DENND4A: variants seen among roughly 807,000 people sequenced by gnomAD.
The protein encoded by DENND4A is C-myc promoter-binding protein.
DENND4A carries 70 observed loss-of-function variants against 199.3 expected under a neutral mutation model. The ratio of observed to expected loss-of-function variants is 0.35; its 90% CI spans 0.29 to 0.43. The LOEUF (loss-of-function observed/expected upper bound fraction) is 0.43, where lower values mean the gene tolerates loss of function less well. Ranked by LOEUF, DENND4A falls within the 20% of genes least tolerant of loss-of-function variation. The pLI is 1.00. For synonymous variants in DENND4A, 686 were observed against 766.9 expected (o/e 0.89, Z 1.74); for missense variants, 1,723 against 2,255.8 (o/e 0.76, Z 4.78).
At chr15:65,740,194 C>T (rs1419730539) in intron 5 of DENND4A, among the ~76,000 whole-genome samples, 1 of 150,208 alleles carries the variant, frequency 6.7e-6, no homozygotes, top group Non-Finnish European at 1.5e-5. Flanking sequence ...AATAGAGGAA[C>T]GGATTCTGGT....
rs1220334781 is a variant in DENND4A at position 65,667,681 on chromosome 15, T to C, written c.5009A>G (p.His1670Arg). The C allele has an allele frequency of 6.2e-7, 1 of 1,613,756 alleles. No individual in the cohort carries two copies. Among genetic ancestry groups the C allele is most frequent in the East Asian group, 2.2e-5 (1 of 44,876 alleles). ...AGTGACAGGATCGGGACTTGGAAGG[T>C]GCCATTCTAAACCTAAAGAATCCTG... ...GATDSLGLEW[H>R]LPSPDPVTVP... The change falls in exon 29 of 33, where the codon CAC becomes CGC. Residue 1670 changes from histidine to arginine, a missense_variant. By Grantham distance (29) the His-to-Arg change is conservative. Transcript: ENST00000443035.
chr15:65,752,685 ATT>A (rs1795919644), intron 3 of DENND4A, 57 bp from the exon 4 acceptor site: 1 of 1,134,016 alleles, frequency 8.8e-7, no homozygotes, highest in Admixed American at 2.8e-5. Context: ...GAAAAGTAAT[ATT>A]CTCAGGCATC....
At chr15:65,748,545 G>A (rs2076473658) in intron 4 of DENND4A, among the ~76,000 whole-genome samples, 2 of 151,078 alleles carry the variant, frequency 1.3e-5, no homozygotes, top group Non-Finnish European at 1.5e-5. Flanking sequence ...CGTTAGCCCA[G>A]GAGTTTGAGG....
intron 1 of DENND4A, among the ~76,000 whole-genome samples, chr15:65,791,789 G>A (rs556934099): frequency 3.4e-4 from 52 of 152,050 alleles, no homozygotes; most frequent in Non-Finnish European, 7.4e-4. Flanking sequence ...CGCGTCCGAC[G>A]CAGAGGCGCG....
chr15:65,725,140 T>C (rs775603520), intron 11 of DENND4A, among the ~76,000 whole-genome samples: 15 of 152,208 alleles, frequency 9.9e-5, no homozygotes, highest in Non-Finnish European at 1.9e-4. Flanking sequence ...ATCATCTTCT[T>C]ATAAAAAAGA....
chr15:65,790,722 C>A (rs1055569156), intron 1 of DENND4A, among the ~76,000 whole-genome samples: 2 of 152,116 alleles, frequency 1.3e-5, no homozygotes, highest in African/African-American at 4.8e-5. Context: ...ATTTTAAGTT[C>A]AAACAGGGTT....
At position 65,785,490 on chromosome 15, in the gene DENND4A, T is replaced by TAA. The variant is rs745338686; in HGVS notation, c.-102+6518_-102+6519dup. On this transcript the variant is annotated intron_variant, in intron 1 of 32. Transcript: ENST00000443035. ...GGGTGACAGAGCAACATCCTGTCTC[T>TAA]AAAAAAAAAAAAAAAAAAAATTATT... 6.6e-5 allele frequency among the ~76,000 whole-genome samples: 8 copies of TAA among 121,444 alleles called. No individual in the cohort carries two copies. The South Asian group carries it at 8.0e-4, about 12-fold the overall frequency. 79.7% of individuals were successfully genotyped at this position (121,444 alleles called of 152,430 possible).
rs117259911 is a variant in DENND4A, at chr15:65,724,261, G to A, written c.1488-1313C>T. ...TTTTGTAGAGATGAGGTCTTGCTTC[G>A]TTGCCCAGGCTGGTCTTGAACTCCA... On this transcript the variant is annotated intron_variant, in intron 11 of 32. Transcript: ENST00000443035. Among the ~76,000 whole-genome samples, 564 of 152,116 alleles carry A rather than the reference G, an allele frequency of 3.7e-3. 9 individuals are homozygous for A. Among genetic ancestry groups the A allele is most frequent in the Admixed American group, 0.023 (347 of 15,274 alleles).
intron 4 of DENND4A, among the ~76,000 whole-genome samples, chr15:65,742,448 T>G (rs1280965968): frequency 2.0e-5 from 3 of 148,834 alleles, no homozygotes; most frequent in Admixed American, 2.0e-4. Flanking sequence ...CATGACTGGC[T>G]GATTTTTTTT....
chr15:65,711,166 G>A (rs139085424), intron 14 of DENND4A, among the ~76,000 whole-genome samples: 185 of 152,246 alleles, frequency 1.2e-3, no homozygotes, highest in African/African-American at 4.3e-3. Flanking sequence ...ATACTCAAAT[G>A]AAGACAAAAC....
chr15:65,709,719 A>AAAAAAATATATAT (rs1218030026), intron 14 of DENND4A, among the ~76,000 whole-genome samples: 16 of 51,468 alleles, frequency 3.1e-4, no homozygotes, highest in East Asian at 1.9e-3. Flanking sequence ...AAAAAAAAAA[A>AAAAAAATATATAT]ATATATATAT....
chr15:65,667,959 G>T lies in DENND4A; in HGVS notation c.4952C>A (p.Thr1651Lys). ...EDTGRQKLIS[T>K]GSLPATLQGA... Reference sequence around the variant, plus strand: ...TTGTAAAGTAGCTGGCAGGCTGCCTGTAGAAATGAGCTTCTGTCTTCCAGT... The same window carrying T: ...TTGTAAAGTAGCTGGCAGGCTGCCTTTAGAAATGAGCTTCTGTCTTCCAGT... The change falls in exon 28 of 33, where the codon ACA becomes AAA. Residue 1651 changes from threonine (T) to lysine (K), a missense_variant. Physicochemically the swap from Thr to Lys is moderately conservative, Grantham distance 78. Coordinates refer to ENST00000443035, the MANE Select transcript of DENND4A (RefSeq NM_001320835.1). 2 of 1,610,304 alleles carry T rather than the reference G, an allele frequency of 1.2e-6. No individual in the cohort carries two copies. Among genetic ancestry groups the T allele is most frequent in the Non-Finnish European group, 1.7e-6 (2 of 1,179,086 alleles).
chr15:65,674,768 C>T lies in DENND4A; in HGVS notation c.4369+1677G>A, dbSNP rs116616897. On this transcript the variant is annotated intron_variant, in intron 24 of 32. Transcript: ENST00000443035. Reference sequence around the variant, plus strand: ...AAAAAAAGACACATTATATGTTACACTTAAATAGTTTAAAATAGATAACAT... The same window carrying T: ...AAAAAAAGACACATTATATGTTACATTTAAATAGTTTAAAATAGATAACAT... Among the ~76,000 whole-genome samples the T allele has an allele frequency of 5.0e-3, 751 of 150,792 alleles. 2 individuals carry two copies. The highest frequency in any genetic ancestry group is 0.017 in the African/African-American group (713 of 41,196).
At chr15:65,761,752 C>T (rs1372527555) in intron 1 of DENND4A, among the ~76,000 whole-genome samples, 1 of 151,840 alleles carries the variant, frequency 6.6e-6, no homozygotes, top group Admixed American at 6.6e-5. Flanking sequence ...GTGTACAGGG[C>T]AAAGAGTGTG....
At chr15:65,757,557 T>C (rs1192233464) in intron 2 of DENND4A, among the ~76,000 whole-genome samples, 1 of 152,112 alleles carries the variant, frequency 6.6e-6, no homozygotes, top group Non-Finnish European at 1.5e-5. Flanking sequence ...AATAAAGTTG[T>C]AGGGAGGGTA....
Position 65,661,806 on chromosome 15 carries a change from C to G in DENND4A, c.*45G>C. 6.7e-7 allele frequency: 1 copy of G among 1,487,688 alleles called. No individual in the cohort carries two copies. 92.2% of individuals were successfully genotyped at this position (1,487,688 alleles called of 1,614,324 possible). On this transcript the variant is annotated 3_prime_UTR_variant, in exon 33 of 33. Coordinates refer to ENST00000443035, the MANE Select transcript of DENND4A (RefSeq NM_001320835.1). ...GAGTCTAAAAGTGTTATTTTATACA[C>G]TGACTATACAATATACATTGAATGT...
In DENND4A at chr15:65,729,527, T is replaced by C. The variant is rs1381426696; in HGVS notation, c.1311+7A>G. 6.2e-7 allele frequency: 1 copy of C among 1,602,760 alleles called. No individual in the cohort carries two copies. The highest frequency in any genetic ancestry group is 8.5e-7 in the Non-Finnish European group (1 of 1,175,586). On this transcript the variant is annotated splice_region_variant and intron_variant, in intron 10 of 32. Transcript: ENST00000443035. ...ATTGACTGCCAATAAGAAACTGTGA[T>C]ACTCACAGACACTAATGCTTCTGTC...
At chr15:65,783,257 A>C (rs750468694) in intron 1 of DENND4A, among the ~76,000 whole-genome samples, 13 of 152,234 alleles carry the variant, frequency 8.5e-5, no homozygotes, top group Non-Finnish European at 1.8e-4. Flanking sequence ...AACAATTCTA[A>C]AAGTGCTGTA....
Position 65,756,463 on chromosome 15 carries a change from A to G in DENND4A, c.-13T>C, listed in dbSNP as rs1191855335. On this transcript the variant is annotated 5_prime_UTR_variant, in exon 3 of 33. Coordinates refer to ENST00000443035, the MANE Select transcript of DENND4A (RefSeq NM_001320835.1). ...TGTCTTCAATCATCTTCCATTACAG[A>G]AGGTTACATCTAAAAGGAAAGTAAA... The G allele has an allele frequency of 6.3e-7, 1 of 1,588,484 alleles. No individual in the cohort carries two copies. The highest frequency in any genetic ancestry group is 1.8e-5 in the Admixed American group (1 of 55,152).
Sources: allele counts gnomAD v4.1 joint callset (sites outside exome capture counted in the v4.1 genomes callset), GRCh38; gene constraint gnomAD v4.1.1; transcripts MANE v1.5; gene names NCBI Gene and HGNC (gene_info 2026-07-23, HGNC 2026-07-21).